The following BRD4 variants were observed in gnomAD, a reference collection of about 807,000 sequenced individuals.
BRD4 encodes the protein bromodomain containing 4, also known as bromodomain-containing protein 4.
A neutral mutation model predicts 142.1 loss-of-function variants in BRD4; 16 were observed. The observed-to-expected ratio is 0.11, with a 90% CI of 0.08 to 0.17. BRD4 has a LOEUF of 0.17. Among genes scored for constraint, BRD4 ranks in the 10% least tolerant of loss-of-function variants. The probability of loss-of-function intolerance (pLI) is 1.00; values close to 1 mark genes in which losing one functional copy is unlikely to be tolerated. For missense variants in BRD4, 1,424 were observed against 1,810.9 expected (o/e 0.79, Z 3.88); for synonymous variants, 833 against 707.5 (o/e 1.18, Z -2.82).
chr19:15,272,772 G>T (rs201871314), intron 2 of BRD4, 43 bp downstream of exon 2: 4 of 1,570,856 alleles, frequency 2.5e-6, no homozygotes, highest in South Asian at 1.1e-5. Flanking sequence ...TGCAGGAGAC[G>T]ACCTCCAGGA....
At chr19:15,280,429 C>T (rs2047694737) in intron 1 of BRD4, 1 of 1,014,248 alleles carries the variant, frequency 9.9e-7, no homozygotes, top group South Asian at 4.6e-5. Context: ...AGTCAGACTT[C>T]TAGCAGTAGT....
rs773341086 is a variant in BRD4 at position 15,257,027 on chromosome 19, A to G, written c.1488T>C (p.Ser496=). ...CCTCAGAGTCATCAGTCGAACTGTC[A>G]CTGTCCGAGGAGCTATCGCTGCTGC... ...SDSSSDSSSD[S]DSSTDDSEEE... The change falls in exon 8 of 20, where the codon AGT becomes AGC. Residue 496 remains serine (S), a synonymous_variant. Transcript: ENST00000679869. 1 of 1,595,590 alleles carries G rather than the reference A, an allele frequency of 6.3e-7. No homozygotes were observed. The highest frequency in any genetic ancestry group is 8.5e-7 in the Non-Finnish European group (1 of 1,172,782).
intron 1 of BRD4, among the ~76,000 whole-genome samples, chr19:15,325,124 C>CA (rs1188313393): frequency 6.6e-6 from 1 of 152,174 alleles, no homozygotes; most frequent in Non-Finnish European, 1.5e-5. Flanking sequence ...TGAGAGGGCA[C>CA]AGCACTGCTG....
intron 14 of BRD4, among the ~76,000 whole-genome samples, chr19:15,242,239 C>G (rs1222538592): frequency 6.6e-6 from 1 of 152,204 alleles, no homozygotes; most frequent in African/African-American, 2.4e-5. Context: ...CCAGGACCCT[C>G]CACCCTAACC....
intron 1 of BRD4, among the ~76,000 whole-genome samples, chr19:15,326,021 AAG>A (rs1170435981): frequency 6.7e-6 from 1 of 149,864 alleles, no homozygotes; most frequent in African/African-American, 2.4e-5. Flanking sequence ...AAAAAAAAGA[AAG>A]AAAGAAAAAG....
At chr19:15,240,882 C>T (rs1254219686) in intron 14 of BRD4, among the ~76,000 whole-genome samples, 1 of 152,234 alleles carries the variant, frequency 6.6e-6, no homozygotes, top group Non-Finnish European at 1.5e-5. Flanking sequence ...GAGGCTGCCC[C>T]TCTGCAACGC....
chr19:15,300,600 G>C (rs1280590646), intron 1 of BRD4, among the ~76,000 whole-genome samples: 1 of 151,496 alleles, frequency 6.6e-6, no homozygotes, highest in Non-Finnish European at 1.5e-5. Flanking sequence ...GTGTGGGGTA[G>C]GGCAATCACC....
In BRD4 at chr19:15,238,309, C is replaced by A; in HGVS notation, c.*68G>T. On this transcript the variant is annotated 3_prime_UTR_variant, in exon 20 of 20. Coordinates refer to ENST00000679869, the MANE Select transcript of BRD4 (RefSeq NM_001379291.1). This position sits in a 1 kb window ranked among gnomAD's most constrained non-coding sequence, Gnocchi z 7.2. ...CTGGCCGCTGATCCCACCTCCACCA[C>A]CGCCCCTAACACTATGGAAAGTCAA... The A allele has an allele frequency of 6.2e-7, 1 of 1,601,994 alleles. No individual in the cohort carries two copies. The highest frequency in any genetic ancestry group is 8.5e-7 in the Non-Finnish European group (1 of 1,173,074).
chr19:15,331,848 C>CGCCGCGGACCCCGCGGCG (rs2048162828), intron 1 of BRD4: 4 of 147,024 alleles, frequency 2.7e-5, no homozygotes, highest in South Asian at 4.2e-4. Flanking sequence ...GGGCCGGGCG[C>CGCCGCGGACCCCGCGGCG]GCCGCGGACC....
Position 15,257,090 on chromosome 19 carries a change from A to G in BRD4, c.1425T>C (p.Pro475=). 3 of 1,608,022 alleles carry G rather than the reference A, an allele frequency of 1.9e-6. No homozygotes were observed. In the Admixed American group the frequency reaches 5.0e-5, roughly 27 times the overall value. ...AGGGCGGGGCCACAACCTTGGTGGG[A>G]GGGGGCACTGCCGGGGAGGACACGG... ...VVAVSSPAVP[P]PTKVVAPPSS... is the part of the protein sequence containing the mutation. The change falls in exon 8 of 20, where the codon CCT becomes CCC. Residue 475 remains proline, a synonymous_variant. Transcript: ENST00000679869.
chr19:15,322,697 C>CAAAA (rs78397797), intron 1 of BRD4, among the ~76,000 whole-genome samples: 1 of 92,298 alleles, frequency 1.1e-5, no homozygotes, highest in African/African-American at 4.2e-5. Context: ...CTAAAAAATA[C>CAAAA]AAAAAAAAAA....
At chr19:15,293,376 C>G (rs948697252) in intron 1 of BRD4, among the ~76,000 whole-genome samples, 1 of 152,070 alleles carries the variant, frequency 6.6e-6, no homozygotes, top group Admixed American at 6.5e-5. Context: ...TCCCAGGACA[C>G]CAGATCATAA....
At chr19:15,240,377 CAT>C (rs2047229024) in intron 14 of BRD4, among the ~76,000 whole-genome samples, 2 of 152,224 alleles carry the variant, frequency 1.3e-5, no homozygotes, top group Non-Finnish European at 2.9e-5. Flanking sequence ...GATCCTGACA[CAT>C]GTGGGCTTGG....
chr19:15,273,442 G>A (rs111425684), intron 1 of BRD4, among the ~76,000 whole-genome samples: 1 of 152,238 alleles, frequency 6.6e-6, no homozygotes, highest in African/African-American at 2.4e-5. Context: ...GTACAATGAA[G>A]CCACGTCTCA....
intron 11 of BRD4, chr19:15,246,590 G>A (rs73506399): frequency 0.035 from 5,362 of 152,308 alleles, 254 homozygotes; most frequent in African/African-American, 0.11. Context: ...CTGTTGTCTC[G>A]TGGCCTTGGA....
At chr19:15,309,153 G>A (rs189655815) in intron 1 of BRD4, among the ~76,000 whole-genome samples, 135 of 151,926 alleles carry the variant, frequency 8.9e-4, no homozygotes, top group African/African-American at 3.1e-3. Flanking sequence ...CTAACACGGC[G>A]AAACCCCATC....
At position 15,254,260 on chromosome 19, in the gene BRD4, C is replaced by T. The variant is rs2047382060; in HGVS notation, c.2050G>A (p.Glu684Lys). ...GAGCCGGCAATCACATCAACTTTCT[C>T]AGCTGCAATCCAAGCAATGGGAGCT... is the stretch of plus-strand genomic sequence containing the variant. ...CLRKKRKPQA[E>K]KVDVIAGSSK... The change falls in exon 11 of 20, where the codon GAG becomes AAG. Residue 684 changes from glutamate (E) to lysine (K), a missense_variant and splice_region_variant. Glu to Lys is a moderately conservative substitution (Grantham distance 56, BLOSUM62 1). Transcript: ENST00000679869. 1 of 1,613,954 alleles carries T rather than the reference C, an allele frequency of 6.2e-7. No homozygotes were observed. The highest frequency in any genetic ancestry group is 1.3e-5 in the African/African-American group (1 of 74,936).
intron 1 of BRD4, among the ~76,000 whole-genome samples, chr19:15,277,972 A>G (rs1365296347): frequency 1.3e-5 from 2 of 149,414 alleles, no homozygotes; most frequent in African/African-American, 2.5e-5. Context: ...CAGGCATGGC[A>G]GCGGGCGCCT....
At position 15,267,288 on chromosome 19, in the gene BRD4, T is replaced by G. The variant is rs2047543598; in HGVS notation, c.559+128A>C. On this transcript the variant is annotated intron_variant, in intron 4 of 19. Transcript: ENST00000679869. Reference sequence around the variant, plus strand: ...CCAACACCAAACCCAATCTCACATGTCCAAACACCAACACGGCATGCAGTA... The same window carrying G: ...CCAACACCAAACCCAATCTCACATGGCCAAACACCAACACGGCATGCAGTA... The G allele has an allele frequency of 1.2e-5, 15 of 1,239,342 alleles. 1 individual carries two copies. The South Asian group carries it at 2.2e-4, about 18-fold the overall frequency. 76.8% of individuals were successfully genotyped at this position (1,239,342 alleles called of 1,614,324 possible).
Sources: allele counts gnomAD v4.1 joint callset (sites outside exome capture counted in the v4.1 genomes callset), GRCh38; gene constraint gnomAD v4.1.1; non-coding constraint Gnocchi (gnomAD v3.1); transcripts MANE v1.5; gene names NCBI Gene and HGNC (gene_info 2026-07-23, HGNC 2026-07-21).